The following MPHOSPH8 variants were observed in gnomAD, a reference collection of about 807,000 sequenced individuals.
MPHOSPH8 encodes the protein M-phase phosphoprotein 8.
Under a neutral mutation model 87.3 loss-of-function variants are expected in MPHOSPH8, and 45 were observed. The ratio of observed to expected loss-of-function variants is 0.52; its 90% CI spans 0.41 to 0.66. MPHOSPH8 has a LOEUF of 0.66. MPHOSPH8 is among the 30% of genes least tolerant of loss of function. The pLI, the probability that MPHOSPH8 is intolerant of heterozygous loss-of-function variation, is 0.00. For missense variants in MPHOSPH8, 883 were observed against 1,020.2 expected (o/e 0.87, Z 1.83); for synonymous variants, 366 against 376.9 (o/e 0.97, Z 0.33).
chr13:19,648,437 A>C lies in MPHOSPH8; in HGVS notation c.1234A>C (p.Arg412=). The C allele has an allele frequency of 6.3e-7, 1 of 1,593,066 alleles. No individual in the cohort carries two copies. The highest frequency in any genetic ancestry group is 8.5e-7 in the Non-Finnish European group (1 of 1,170,016). ...DSAEEDKETK[R]NESKEKYQKR... Reference sequence around the variant, plus strand: ...TCATTTTCAGGACAAAGAAACCAAAAGAAATGAATCCAAAGAAAAATATCA... The same window carrying C: ...TCATTTTCAGGACAAAGAAACCAAACGAAATGAATCCAAAGAAAAATATCA... Residue 412 remains arginine (R), a synonymous_variant, in exon 4 of 14, where the codon AGA becomes CGA. Transcript: ENST00000361479.
intron 1 of MPHOSPH8, among the ~76,000 whole-genome samples, chr13:19,637,576 C>G (rs528438339): frequency 6.6e-6 from 1 of 151,888 alleles, no homozygotes; most frequent in African/African-American, 2.4e-5. Context: ...CCACCCGCCT[C>G]GGCCTCCCAA....
rs540446232 is a variant in MPHOSPH8, at chr13:19,645,883, G to T, written c.370-560G>T. Among the ~76,000 whole-genome samples, 499 of 151,986 alleles carry T rather than the reference G, an allele frequency of 3.3e-3. 5 individuals carry two copies. The highest frequency in any genetic ancestry group is 6.8e-3 in the Middle Eastern group (2 of 294). ...GTTTATACGAGTACTTTATTCTTAA[G>T]TTTCTTTTTTTCAATTTTAAAATAG... On this transcript the variant is annotated intron_variant, in intron 2 of 13. Transcript: ENST00000361479.
In MPHOSPH8 at chr13:19,646,543, T is replaced by G. The variant is rs752958572; in HGVS notation, c.470T>G (p.Leu157Trp). Residue 157 changes from leucine (L) to tryptophan (W), a missense_variant, in exon 3 of 14, where the codon TTG (leucine) becomes TGG (tryptophan). By Grantham distance (61) the Leu-to-Trp change is moderately conservative. Transcript: ENST00000361479. ...DTSPKKKKKK[L>W]RQREEKSPDD... Reference sequence around the variant, plus strand: ...TCCCCAAAGAAGAAAAAGAAAAAATTGAGGCAGAGAGAAGAGAAAAGCCCA... The same window carrying G: ...TCCCCAAAGAAGAAAAAGAAAAAATGGAGGCAGAGAGAAGAGAAAAGCCCA... 2 of 1,574,108 alleles carry G rather than the reference T, an allele frequency of 1.3e-6. No homozygotes were observed. Among genetic ancestry groups the G allele is most frequent in the African/African-American group, 1.4e-5 (1 of 72,000 alleles).
intron 3 of MPHOSPH8, among the ~76,000 whole-genome samples, chr13:19,647,922 G>A (rs1030849038): frequency 6.6e-6 from 1 of 152,056 alleles, no homozygotes; most frequent in African/African-American, 2.4e-5. Context: ...ATTTATGGCA[G>A]TATTATCTTC....
intron 10 of MPHOSPH8, 91 bp from the exon 11 acceptor site, chr13:19,668,286 G>A (rs1875927556): frequency 8.6e-7 from 1 of 1,159,578 alleles, no homozygotes; most frequent in South Asian, 1.5e-5. Context: ...TCTTTGTTTG[G>A]AAGGTTGGCC....
chr13:19,672,006 C>A lies in MPHOSPH8; in HGVS notation c.*131C>A. 1 of 859,076 alleles carries A rather than the reference C, an allele frequency of 1.2e-6. No individual in the cohort carries two copies. The highest frequency in any genetic ancestry group is 2.2e-5 in the Admixed American group (1 of 45,968). The allele number at this position is 859,076 out of a possible 1,614,324, so 53.2% of individuals were successfully genotyped here. A position where few individuals can be genotyped will look rare whatever the true frequency, so the allele number is the denominator to read the frequency against. On this transcript the variant is annotated 3_prime_UTR_variant, in exon 14 of 14. Transcript: ENST00000361479. ...AACCTCTTGCAGTTAAGCCTGTTGTCTGTTGTAGTCTGTAAGATGCGACAT... is the reference window on the plus strand; with the variant it reads ...AACCTCTTGCAGTTAAGCCTGTTGTATGTTGTAGTCTGTAAGATGCGACAT...
chr13:19,637,778 A>G (rs987416823), intron 1 of MPHOSPH8, among the ~76,000 whole-genome samples: 2 of 152,046 alleles, frequency 1.3e-5, no homozygotes, highest in African/African-American at 4.8e-5. Context: ...AGTTTTAATT[A>G]TGCCTTTACA....
At position 19,672,166 on chromosome 13, in the gene MPHOSPH8, C is replaced by T. The variant is rs867764218; in HGVS notation, c.*291C>T. Reference sequence around the variant, plus strand: ...GACTTCACTTTCTTTTTTCTGGAGACGGAGTTTCGCTCTTGTTGCCCAGGC... The same window carrying T: ...GACTTCACTTTCTTTTTTCTGGAGATGGAGTTTCGCTCTTGTTGCCCAGGC... On this transcript the variant is annotated 3_prime_UTR_variant, in exon 14 of 14. Transcript: ENST00000361479. 1.3e-5 allele frequency: 4 copies of T among 310,890 alleles called. No homozygotes were observed. The highest frequency in any genetic ancestry group is 2.4e-5 in the Non-Finnish European group (4 of 165,494). The allele number at this position is 310,890 out of a possible 1,614,324, so 19.3% of individuals were successfully genotyped here.
At chr13:19,649,829 G>A (rs1874747393) in intron 4 of MPHOSPH8, among the ~76,000 whole-genome samples, 174 bp from the exon 5 acceptor site, 1 of 152,190 alleles carries the variant, frequency 6.6e-6, no homozygotes, top group Admixed American at 6.5e-5. Flanking sequence ...AGAAAGACCA[G>A]CTGAAACGAT....
intron 7 of MPHOSPH8, chr13:19,661,082 C>T: frequency 2.6e-6 from 1 of 379,536 alleles, no homozygotes; most frequent in Non-Finnish European, 3.6e-6. Context: ...GACATAGCAA[C>T]ACCGTCTCAA....
In MPHOSPH8 at chr13:19,673,425, T is replaced by TA; in HGVS notation, c.*1554dup. The TA allele has an allele frequency of 4.2e-6, 1 of 239,652 alleles. No homozygotes were observed. The highest frequency in any genetic ancestry group is 8.3e-6 in the Non-Finnish European group (1 of 119,810). 14.8% of individuals were successfully genotyped at this position (239,652 alleles called of 1,614,324 possible). On this transcript the variant is annotated 3_prime_UTR_variant, in exon 14 of 14. Transcript: ENST00000361479. ...CTGCCTTTTCCTATGGTTTTGTCAA[T>TA]AAAACACTATGATGTTGGTCTGTTT...
chr13:19,633,727 G>C lies in MPHOSPH8; in HGVS notation c.-22G>C, dbSNP rs759348487. Reference sequence around the variant, plus strand: ...GTGTTTGTCGCAGCGGGTTTTCCTCGGCGGTTTGCGGAGCTGCTAGGATGG... The same window carrying C: ...GTGTTTGTCGCAGCGGGTTTTCCTCCGCGGTTTGCGGAGCTGCTAGGATGG... On this transcript the variant is annotated 5_prime_UTR_variant, in exon 1 of 14. Coordinates refer to ENST00000361479, the MANE Select transcript of MPHOSPH8 (RefSeq NM_017520.4). 13 of 1,569,486 alleles carry C rather than the reference G, an allele frequency of 8.3e-6. No homozygotes were observed. Among genetic ancestry groups the C allele is most frequent in the Non-Finnish European group, 1.1e-5 (13 of 1,157,466 alleles).
chr13:19,666,678 A>T, intron 10 of MPHOSPH8, 99 bp downstream of exon 10: 1 of 1,072,018 alleles, frequency 9.3e-7, no homozygotes, highest in Non-Finnish European at 1.3e-6. Context: ...ACTGCTCAGA[A>T]AAACATCCAG....
intron 2 of MPHOSPH8, among the ~76,000 whole-genome samples, chr13:19,642,577 T>C (rs1874356703): frequency 6.6e-6 from 1 of 152,152 alleles, no homozygotes; most frequent in Admixed American, 6.5e-5. Flanking sequence ...CATTTGTTCG[T>C]CCGTGACATG....
intron 1 of MPHOSPH8, among the ~76,000 whole-genome samples, chr13:19,634,492 C>T (rs1873883063): frequency 6.6e-6 from 1 of 152,164 alleles, no homozygotes; most frequent in Admixed American, 6.6e-5. Flanking sequence ...GTATAGCTCG[C>T]AGCCACACAG....
chr13:19,635,244 G>C (rs1258548952), intron 1 of MPHOSPH8, among the ~76,000 whole-genome samples: 7 of 152,118 alleles, frequency 4.6e-5, no homozygotes, highest in Admixed American at 4.6e-4. Context: ...GGCTAGGGCC[G>C]GGCGCAGTGG....
intron 7 of MPHOSPH8, among the ~76,000 whole-genome samples, chr13:19,660,665 T>G (rs912346378): frequency 1.3e-5 from 2 of 152,220 alleles, no homozygotes; most frequent in Non-Finnish European, 2.9e-5. Context: ...ATATAGACGT[T>G]GCACATTTCC....
intron 7 of MPHOSPH8, chr13:19,660,966 T>C: frequency 1.0e-6 from 1 of 984,780 alleles, no homozygotes; most frequent in Non-Finnish European, 1.2e-6. Context: ...AAAAAGAAGA[T>C]ACAAAAATGA....
Position 19,672,007 on chromosome 13 carries a change from T to G in MPHOSPH8, c.*132T>G. The G allele has an allele frequency of 1.2e-6, 1 of 861,240 alleles. No individual in the cohort carries two copies. Among genetic ancestry groups the G allele is most frequent in the Non-Finnish European group, 1.9e-6 (1 of 536,926 alleles). The allele number at this position is 861,240 out of a possible 1,614,324, so 53.3% of individuals were successfully genotyped here. On this transcript the variant is annotated 3_prime_UTR_variant, in exon 14 of 14. Coordinates refer to ENST00000361479, the MANE Select transcript of MPHOSPH8 (RefSeq NM_017520.4). ...ACCTCTTGCAGTTAAGCCTGTTGTC[T>G]GTTGTAGTCTGTAAGATGCGACATA...
Sources: gnomAD v4.1 joint callset for allele counts (sites outside exome capture counted in the v4.1 genomes callset) on GRCh38, gnomAD v4.1.1 for gene constraint, MANE v1.5 for transcripts, NCBI Gene and HGNC (gene_info 2026-07-23, HGNC 2026-07-21) for gene names.